The following SLC9A9 variants were observed in gnomAD, a reference collection of about 807,000 sequenced individuals.
SLC9A9 encodes solute carrier family 9 member A9, also known as sodium/hydrogen exchanger 9.
A neutral mutation model predicts 77.8 loss-of-function variants in SLC9A9; 62 were observed. The observed-to-expected ratio is 0.80, with a 90% CI of 0.65 to 0.98. The LOEUF (loss-of-function observed/expected upper bound fraction) is 0.98, where lower values mean the gene tolerates loss of function less well. Among genes scored for constraint, SLC9A9 ranks in the 50% least tolerant of loss-of-function variants. The pLI, the probability that SLC9A9 is intolerant of heterozygous loss-of-function variation, is 0.00. For synonymous variants in SLC9A9, 320 were observed against 283.5 expected (o/e 1.13, Z -1.29); for missense variants, 775 against 774.9 (o/e 1.00, Z 0.00).
At chr3:143,691,313 T>C in intron 5 of SLC9A9, among the ~76,000 whole-genome samples, 1 of 151,962 alleles carries the variant, frequency 6.6e-6, no homozygotes, top group Non-Finnish European at 1.5e-5. Context: ...TAAGTGATCC[T>C]CCCAACTTGG....
chr3:143,486,703 A>G (rs924684888), intron 11 of SLC9A9, among the ~76,000 whole-genome samples: 4 of 152,058 alleles, frequency 2.6e-5, no homozygotes, highest in Admixed American at 1.3e-4. Context: ...AAGCTGGGGT[A>G]AATTTAAATT....
At chr3:143,569,459 T>C (rs2037223485) in intron 8 of SLC9A9, among the ~76,000 whole-genome samples, 1 of 152,132 alleles carries the variant, frequency 6.6e-6, no homozygotes, top group Non-Finnish European at 1.5e-5. Flanking sequence ...ATCAAATCGC[T>C]ACTATACCCC....
chr3:143,662,735 G>A (rs953635099), intron 5 of SLC9A9, among the ~76,000 whole-genome samples: 2 of 152,110 alleles, frequency 1.3e-5, no homozygotes, highest in Non-Finnish European at 2.9e-5. Context: ...TTGCGAGGTA[G>A]CAGCCAGGCT....
intron 2 of SLC9A9, 27 bp from the exon 3 acceptor site, chr3:143,796,930 T>C: frequency 6.4e-7 from 1 of 1,550,904 alleles, no homozygotes; most frequent in Non-Finnish European, 8.9e-7. Flanking sequence ...AAAGGATAGT[T>C]AGAATGATGC....
At chr3:143,583,374 T>C (rs1381959900) in intron 6 of SLC9A9, among the ~76,000 whole-genome samples, 1 of 152,192 alleles carries the variant, frequency 6.6e-6, no homozygotes. Context: ...GAAAGCAACA[T>C]GAATAAGGAT....
chr3:143,346,561 G>C (rs1238811558), intron 14 of SLC9A9, among the ~76,000 whole-genome samples: 1 of 152,120 alleles, frequency 6.6e-6, no homozygotes, highest in Non-Finnish European at 1.5e-5. Context: ...CTGAGTCGGG[G>C]GGGATCACTT....
At chr3:143,565,000 C>G (rs961888108) in intron 8 of SLC9A9, among the ~76,000 whole-genome samples, 1 of 152,176 alleles carries the variant, frequency 6.6e-6, no homozygotes, top group Non-Finnish European at 1.5e-5. Context: ...GGCTTACCCT[C>G]CTTACCCTGG....
intron 9 of SLC9A9, among the ~76,000 whole-genome samples, chr3:143,531,675 T>C (rs2036512172): frequency 1.3e-5 from 2 of 152,214 alleles, no homozygotes; most frequent in Admixed American, 6.5e-5. Flanking sequence ...TAATTGTTAT[T>C]TAACATGTAT....
intron 5 of SLC9A9, chr3:143,655,754 A>G: frequency 3.3e-6 from 2 of 603,774 alleles, no homozygotes; most frequent in Non-Finnish European, 4.1e-6. Context: ...GAGGAATGTG[A>G]TAACTGAGAA....
chr3:143,517,368 T>G (rs1478760248), intron 9 of SLC9A9: 29 of 1,395,734 alleles, frequency 2.1e-5, no homozygotes, highest in East Asian at 1.8e-4. Context: ...CCAGGCATTC[T>G]CCCAGGAAAG....
At chr3:143,673,116 A>G (rs1454493307) in intron 5 of SLC9A9, among the ~76,000 whole-genome samples, 1 of 152,234 alleles carries the variant, frequency 6.6e-6, no homozygotes, top group Non-Finnish European at 1.5e-5. Flanking sequence ...TTGCAAGTAC[A>G]GTGTATAGAA....
chr3:143,741,042 T>C (rs1489185194), intron 4 of SLC9A9, among the ~76,000 whole-genome samples: 1 of 152,208 alleles, frequency 6.6e-6, no homozygotes, highest in Non-Finnish European at 1.5e-5. Context: ...ACATATAGAA[T>C]GATTTATAGA....
intron 4 of SLC9A9, among the ~76,000 whole-genome samples, chr3:143,727,099 G>A (rs1934673203): frequency 6.6e-6 from 1 of 152,090 alleles, no homozygotes. Context: ...AAAAGCCTAA[G>A]TAGCACGACA....
chr3:143,617,469 C>G (rs1443540141), intron 6 of SLC9A9, among the ~76,000 whole-genome samples: 1 of 152,198 alleles, frequency 6.6e-6, no homozygotes, highest in Non-Finnish European at 1.5e-5. Flanking sequence ...ACACTGGTGG[C>G]CCGTGGGCTT....
chr3:143,277,747 G>A (rs1938094906), intron 14 of SLC9A9, among the ~76,000 whole-genome samples: 1 of 152,200 alleles, frequency 6.6e-6, no homozygotes, highest in South Asian at 2.1e-4. Flanking sequence ...AGTGCCACCA[G>A]ACCTAGATGC....
At chr3:143,268,639 A>G (rs1480604117) in intron 15 of SLC9A9, among the ~76,000 whole-genome samples, 2 of 147,610 alleles carry the variant, frequency 1.4e-5, no homozygotes, top group Non-Finnish European at 3.0e-5. Context: ...AGGCCGAGGC[A>G]GGAGAATGGC....
Position 143,451,844 on chromosome 3 carries a change from T to C in SLC9A9, c.1469+15193A>G, listed in dbSNP as rs555954913. On this transcript the variant is annotated intron_variant, in intron 12 of 15. Transcript: ENST00000316549. ...CAAAGGCAAATTTGAGTATTTCCTC[T>C]CAACATGATATGATTGGCAAATATA... Among the ~76,000 whole-genome samples, 59 of 152,226 alleles carry C rather than the reference T, an allele frequency of 3.9e-4. 1 individual carries two copies. Among genetic ancestry groups the C allele is most frequent in the African/African-American group, 1.3e-3 (56 of 41,550 alleles).
chr3:143,760,662 C>A (rs140502574), intron 4 of SLC9A9, among the ~76,000 whole-genome samples: 5,813 of 152,074 alleles, frequency 0.038, 342 homozygotes, highest in African/African-American at 0.13. Context: ...TCAAGGAGAA[C>A]TACAAAACAC....
chr3:143,285,159 G>A lies in SLC9A9; in HGVS notation c.1605-16179C>T, dbSNP rs975981773. On this transcript the variant is annotated intron_variant, in intron 14 of 15. Coordinates refer to ENST00000316549, the MANE Select transcript of SLC9A9 (RefSeq NM_173653.4). ...TCAGGTTTGTCACATAGGTACACAC[G>A]TGCCATGGTGGTTTGCTGCTCCCAT... 2.0e-5 allele frequency among the ~76,000 whole-genome samples: 3 copies of A among 152,018 alleles called. No homozygotes were observed. In the South Asian group the frequency reaches 6.2e-4, roughly 32 times the overall value.
Sources: gnomAD v4.1 joint callset for allele counts (sites outside exome capture counted in the v4.1 genomes callset) on GRCh38, gnomAD v4.1.1 for gene constraint, MANE v1.5 for transcripts, NCBI Gene and HGNC (gene_info 2026-07-23, HGNC 2026-07-21) for gene names.